ZNF462: variants seen among roughly 807,000 people sequenced by gnomAD.
ZNF462 encodes zinc finger protein 462.
ZNF462 carries 10 observed loss-of-function variants against 201.9 expected under a neutral mutation model. That is an observed-to-expected ratio of 0.05 (90% confidence interval 0.03 to 0.08). ZNF462 has a LOEUF of 0.08. Ranked by LOEUF, ZNF462 falls within the 10% of genes least tolerant of loss-of-function variation. ZNF462 has a pLI of 1.00. For synonymous variants in ZNF462, 1,227 were observed against 1,193.3 expected (o/e 1.03, Z -0.58); for missense variants, 2,523 against 3,168.3 (o/e 0.80, Z 4.89).
intron 10 of ZNF462, among the ~76,000 whole-genome samples, chr9:106,990,194 G>A (rs1304512895): frequency 6.6e-6 from 1 of 151,930 alleles, no homozygotes; most frequent in Non-Finnish European, 1.5e-5. Flanking sequence ...TCATTCAGGA[G>A]CCAGTTATTT....
intron 9 of ZNF462, among the ~76,000 whole-genome samples, chr9:106,980,370 T>G (rs962656300): frequency 6.6e-6 from 1 of 152,232 alleles, no homozygotes; most frequent in Non-Finnish European, 1.5e-5. Flanking sequence ...ACGCAAAGTT[T>G]TGGTGGAGTG....
At position 106,978,880 on chromosome 9, in the gene ZNF462, T is replaced by A; in HGVS notation, c.6832+4607T>A. ...ACCTTGCCTCCTCAGTGATGTGGGA[T>A]CTCATCATATCTGTCATTATAATTG... On this transcript the variant is annotated intron_variant, in intron 9 of 12. Coordinates refer to ENST00000277225, the MANE Select transcript of ZNF462 (RefSeq NM_021224.6). This position sits in a 1 kb window ranked among gnomAD's most constrained non-coding sequence, Gnocchi z 4.1. The A allele has an allele frequency of 3.8e-6, 1 of 264,992 alleles. No individual in the cohort carries two copies. The highest frequency in any genetic ancestry group is 7.2e-6 in the Non-Finnish European group (1 of 139,662). The allele number at this position is 264,992 out of a possible 1,614,324, so 16.4% of individuals were successfully genotyped here. A position where few individuals can be genotyped will look rare whatever the true frequency, so the allele number is the denominator to read the frequency against.
rs144393411 is a variant in ZNF462 at position 106,925,238 on chromosome 9, C to T, written c.1326C>T (p.Pro442=). 6.2e-7 allele frequency: 1 copy of T among 1,614,168 alleles called. No individual in the cohort carries two copies. Among genetic ancestry groups the T allele is most frequent in the South Asian group, 1.1e-5 (1 of 91,080 alleles). Residue 442 remains proline (P), a synonymous_variant, in exon 3 of 13, where the codon CCC becomes CCT. Coordinates refer to ENST00000277225, the MANE Select transcript of ZNF462 (RefSeq NM_021224.6). The surrounding 1 kb of genome is among the most constrained non-coding windows in gnomAD (Gnocchi z 7.9). ...FRRFMNRFQC[P]FCPFLTMHRR... ...GATTCATGAATAGGTTCCAGTGCCC[C>T]TTTTGTCCTTTCCTCACCATGCATC...
intron 10 of ZNF462, among the ~76,000 whole-genome samples, chr9:106,985,978 C>T (rs1342206085): frequency 1.3e-5 from 2 of 152,122 alleles, no homozygotes; most frequent in African/African-American, 4.8e-5. Flanking sequence ...CATTTCTTCC[C>T]CAAACTTAAG....
chr9:106,988,262 GCAA>G (rs1828001106), intron 10 of ZNF462, among the ~76,000 whole-genome samples: 1 of 151,884 alleles, frequency 6.6e-6, no homozygotes, highest in African/African-American at 2.4e-5. Context: ...ATGGCAACAG[GCAA>G]AAAGAGAAGG....
At position 107,005,695 on chromosome 9, in the gene ZNF462, T is replaced by C. The variant is rs1829493215; in HGVS notation, c.7189+2269T>C. On this transcript the variant is annotated intron_variant, in intron 11 of 12. Coordinates refer to ENST00000277225, the MANE Select transcript of ZNF462 (RefSeq NM_021224.6). This position sits in a 1 kb window ranked among gnomAD's most constrained non-coding sequence, Gnocchi z 4.4. Reference sequence around the variant, plus strand: ...GAAGCTGTTTAGTTTGATGTAATTCTGTTTATCTGTTTTTGCTTTTGTTGC... The same window carrying C: ...GAAGCTGTTTAGTTTGATGTAATTCCGTTTATCTGTTTTTGCTTTTGTTGC... Among the ~76,000 whole-genome samples, 1 of 152,228 alleles carries C rather than the reference T, an allele frequency of 6.6e-6. No individual in the cohort carries two copies. The highest frequency in any genetic ancestry group is 2.1e-4 in the South Asian group (1 of 4,832).
In ZNF462 at chr9:107,005,015, A is replaced by G. The variant is rs908801363; in HGVS notation, c.7189+1589A>G. Reference sequence around the variant, plus strand: ...ATTTCACTTAATGTAATGTTCTACAAGTTTATCTATGTTGTCACAAATGAC... The same window carrying G: ...ATTTCACTTAATGTAATGTTCTACAGGTTTATCTATGTTGTCACAAATGAC... On this transcript the variant is annotated intron_variant, in intron 11 of 12. Transcript: ENST00000277225. The surrounding 1 kb of genome is among the most constrained non-coding windows in gnomAD (Gnocchi z 4.4). 6.6e-6 allele frequency among the ~76,000 whole-genome samples: 1 copy of G among 152,126 alleles called. No individual in the cohort carries two copies. The highest frequency in any genetic ancestry group is 1.5e-5 in the Non-Finnish European group (1 of 68,028).
rs1311951076 is a variant in ZNF462, at chr9:106,920,761, A to G, written c.-30-2593A>G. On this transcript the variant is annotated intron_variant, in intron 1 of 12. Transcript: ENST00000277225. The surrounding 1 kb of genome is among the most constrained non-coding windows in gnomAD (Gnocchi z 4.3). The stretch of plus-strand genomic sequence containing the variant: ...AGACACCAAGATATTAGAGAACTAC[A>G]TAGAGAGATGAATTTCATTTCTAGG... Among the ~76,000 whole-genome samples, 1 of 152,194 alleles carries G rather than the reference A, an allele frequency of 6.6e-6. No individual in the cohort carries two copies. Among genetic ancestry groups the G allele is most frequent in the Non-Finnish European group, 1.5e-5 (1 of 68,038 alleles).
chr9:106,877,075 G>C (rs1306943397), intron 1 of ZNF462, among the ~76,000 whole-genome samples: 1 of 152,148 alleles, frequency 6.6e-6, no homozygotes, highest in Non-Finnish European at 1.5e-5. Flanking sequence ...AAGGGTAGAT[G>C]ATATTTTAAA....
chr9:106,921,698 G>C (rs755111899), intron 1 of ZNF462, among the ~76,000 whole-genome samples: 1 of 152,202 alleles, frequency 6.6e-6, no homozygotes, highest in Non-Finnish European at 1.5e-5. Flanking sequence ...CTAAATGCAG[G>C]AGTTGTCTGC....
At chr9:106,908,610 G>A (rs1829372717) in intron 1 of ZNF462, among the ~76,000 whole-genome samples, 1 of 151,876 alleles carries the variant, frequency 6.6e-6, no homozygotes, top group Admixed American at 6.6e-5. Context: ...ATATTTTCCA[G>A]AGGAAGAATT....
At chr9:106,994,124 A>G (rs1828507214) in intron 10 of ZNF462, among the ~76,000 whole-genome samples, 1 of 152,148 alleles carries the variant, frequency 6.6e-6, no homozygotes, top group Non-Finnish European at 1.5e-5. Flanking sequence ...TGTTCAGTAT[A>G]TTAAATTTAG....
chr9:106,943,874 T>A (rs2131676912), intron 7 of ZNF462, among the ~76,000 whole-genome samples: 1 of 152,260 alleles, frequency 6.6e-6, no homozygotes, highest in South Asian at 2.1e-4. Flanking sequence ...TCATTTCCAT[T>A]TAAGAGGCAG....
In ZNF462 at chr9:106,963,880, ACTGT is replaced by A. The variant is rs1017780260; in HGVS notation, c.6428-8116_6428-8113del. Among the ~76,000 whole-genome samples the A allele has an allele frequency of 3.3e-5, 5 of 151,808 alleles. No homozygotes were observed. Among genetic ancestry groups the A allele is most frequent in the Non-Finnish European group, 5.9e-5 (4 of 67,916 alleles). On this transcript the variant is annotated intron_variant, in intron 7 of 12. Coordinates refer to ENST00000277225, the MANE Select transcript of ZNF462 (RefSeq NM_021224.6). This position sits in a 1 kb window ranked among gnomAD's most constrained non-coding sequence, Gnocchi z 4.7. ...CACAGCCCCTGGCAACCACCATTCT[ACTGT>A]CTGTCTGTATGGGTTTGACTGCTCT... is the stretch of plus-strand genomic sequence containing the variant.
At chr9:106,960,908 C>G (rs1831805545) in intron 7 of ZNF462, among the ~76,000 whole-genome samples, 1 of 152,088 alleles carries the variant, frequency 6.6e-6, no homozygotes. Context: ...TGAGCCACTA[C>G]AAGTCTTTAG....
At chr9:106,973,142 A>G (rs1324876844) in intron 8 of ZNF462, among the ~76,000 whole-genome samples, 2 of 152,180 alleles carry the variant, frequency 1.3e-5, no homozygotes, top group Non-Finnish European at 2.9e-5. Flanking sequence ...AACACTAATA[A>G]GTGTAATAAT....
chr9:107,002,157 G>C (rs1829235005), intron 10 of ZNF462, among the ~76,000 whole-genome samples: 2 of 152,078 alleles, frequency 1.3e-5, no homozygotes, highest in Non-Finnish European at 2.9e-5. Context: ...TTCCTCTCCT[G>C]TGTCCTCATC....
intron 1 of ZNF462, among the ~76,000 whole-genome samples, chr9:106,864,078 CTCTCTCTCTCTCTCTCT>C (rs1564062517): frequency 8.8e-5 from 12 of 136,718 alleles, no homozygotes; most frequent in African/African-American, 3.3e-4. Flanking sequence ...CTCTCTCTCT[CTCTCTCTCTCTCTCTCT>C]CTCTCTCTCT....
At position 106,932,178 on chromosome 9, in the gene ZNF462, T is replaced by G. The variant is rs1268854252; in HGVS notation, c.6013-268T>G. On this transcript the variant is annotated intron_variant, in intron 4 of 12. Coordinates refer to ENST00000277225, the MANE Select transcript of ZNF462 (RefSeq NM_021224.6). This position sits in a 1 kb window ranked among gnomAD's most constrained non-coding sequence, Gnocchi z 6.8. ...AGAAGTGCTGTTGAGTTTGGGAGAA[T>G]GTAGGGAGAAAAAGAAAGCTGGAGG... 1.3e-6 allele frequency: 2 copies of G among 1,513,310 alleles called. No homozygotes were observed. Among genetic ancestry groups the G allele is most frequent in the Non-Finnish European group, 1.8e-6 (2 of 1,133,350 alleles). The allele number at this position is 1,513,310 out of a possible 1,614,324, so 93.7% of individuals were successfully genotyped here.
Sources: allele counts gnomAD v4.1 joint callset (sites outside exome capture counted in the v4.1 genomes callset), GRCh38; gene constraint gnomAD v4.1.1; non-coding constraint Gnocchi (gnomAD v3.1); transcripts MANE v1.5; gene names NCBI Gene and HGNC (gene_info 2026-07-23, HGNC 2026-07-21).